The following GALNT13 variants were observed in gnomAD, a reference collection of about 807,000 sequenced individuals.
The protein encoded by GALNT13 is polypeptide N-acetylgalactosaminyltransferase 13, also known as UDP-GalNAc:polypeptide N-acetylgalactosaminyltransferase 13.
In GALNT13, 28 loss-of-function variants were observed where a neutral mutation model predicts 64.2. The ratio of observed to expected loss-of-function variants is 0.44; its 90% confidence interval spans 0.32 to 0.60. The LOEUF is 0.60. GALNT13 is among the 20% of genes least tolerant of loss of function. The pLI, the probability that GALNT13 is intolerant of heterozygous loss-of-function variation, is 0.05. For missense variants in GALNT13, 577 were observed against 669.8 expected, an observed-to-expected ratio of 0.86 and a Z score of 1.53; for synonymous variants, 214 against 224.6, an observed-to-expected ratio of 0.95 and a Z score of 0.42.
the GALNT13 span, among the ~76,000 whole-genome samples, chr2:153,150,942 A>T: frequency 6.6e-6 from 1 of 151,946 alleles, no homozygotes. Flanking sequence ...CTTAGGATTG[A>T]CTTGGCAATG....
chr2:153,782,857 G>T, the GALNT13 span, among the ~76,000 whole-genome samples: 1 of 152,082 alleles, frequency 6.6e-6, no homozygotes, highest in African/African-American at 2.4e-5. Flanking sequence ...AGCAACCCAC[G>T]CAGACTAAAA....
intron 9 of GALNT13, among the ~76,000 whole-genome samples, chr2:154,389,930 T>C (rs528244936): frequency 6.6e-6 from 1 of 152,264 alleles, no homozygotes; most frequent in African/African-American, 2.4e-5. Flanking sequence ...GTCTGGTGTC[T>C]CACTGTCCAG....
chr2:153,680,022 A>T, the GALNT13 span, among the ~76,000 whole-genome samples: 1 of 151,886 alleles, frequency 6.6e-6, no homozygotes, highest in Non-Finnish European at 1.5e-5. Flanking sequence ...TCCCTATATT[A>T]TATTGTTTCA....
At chr2:154,202,373 G>C (rs1288729418) in intron 4 of GALNT13, among the ~76,000 whole-genome samples, 1 of 150,442 alleles carries the variant, frequency 6.6e-6, no homozygotes, top group East Asian at 1.9e-4. Flanking sequence ...GCTGCACTTA[G>C]CGTCCTTGAG....
chr2:153,415,830 A>G, the GALNT13 span, among the ~76,000 whole-genome samples: 1 of 152,174 alleles, frequency 6.6e-6, no homozygotes, highest in East Asian at 1.9e-4. Context: ...TTCTCTGTCT[A>G]TTGTCAATCT....
intron 9 of GALNT13, among the ~76,000 whole-genome samples, chr2:154,340,317 G>A (rs1277128159): frequency 1.3e-5 from 2 of 151,972 alleles, no homozygotes; most frequent in Non-Finnish European, 2.9e-5. Flanking sequence ...TAGGACTCTT[G>A]AGCTCAAATG....
At chr2:154,104,021 T>G (rs1702482199) in intron 3 of GALNT13, among the ~76,000 whole-genome samples, 1 of 152,004 alleles carries the variant, frequency 6.6e-6, no homozygotes, top group African/African-American at 2.4e-5. Context: ...AGTAGAGTAG[T>G]GTGGGAAGTT....
chr2:153,588,770 G>A, the GALNT13 span, among the ~76,000 whole-genome samples: 2 of 152,146 alleles, frequency 1.3e-5, no homozygotes, highest in Admixed American at 6.6e-5. Flanking sequence ...CTATTGCATT[G>A]TCAGGCTGCA....
rs115112301 is a variant in GALNT13 at position 154,055,375 on chromosome 2, A to G, written c.143-84962A>G. On this transcript the variant is annotated intron_variant, in intron 3 of 12. Coordinates refer to ENST00000392825, the MANE Select transcript of GALNT13 (RefSeq NM_052917.4). ...ATTGAAGGAAATGCAATGTCTTCTT[A>G]GGAGAGTGTGTCACCTAGTATTTAT... Among the ~76,000 whole-genome samples, 1,233 of 152,196 alleles carry G rather than the reference A, an allele frequency of 8.1e-3. 14 individuals are homozygous for G. The highest frequency in any genetic ancestry group is 0.028 in the African/African-American group (1,143 of 41,560).
At chr2:153,650,624 A>G in the GALNT13 span, among the ~76,000 whole-genome samples, 5 of 152,078 alleles carry the variant, frequency 3.3e-5, no homozygotes, top group African/African-American at 9.7e-5. Context: ...TTCCATGTTT[A>G]GTGCTTCCTT....
chr2:153,413,920 T>G, the GALNT13 span, among the ~76,000 whole-genome samples: 57 of 152,302 alleles, frequency 3.7e-4, no homozygotes, highest in African/African-American at 1.3e-3. Flanking sequence ...AAGTATAAAC[T>G]TTATTATATA....
At chr2:153,542,531 C>T in the GALNT13 span, among the ~76,000 whole-genome samples, 1 of 151,996 alleles carries the variant, frequency 6.6e-6, no homozygotes, top group African/African-American at 2.4e-5. Context: ...GAGGAAACAT[C>T]AGGGGTAAGG....
intron 4 of GALNT13, among the ~76,000 whole-genome samples, chr2:154,199,684 T>C (rs1210088143): frequency 6.6e-6 from 1 of 152,046 alleles, no homozygotes; most frequent in African/African-American, 2.4e-5. Context: ...AAAAACAGTC[T>C]TATAATTATG....
chr2:153,092,965 T>C, the GALNT13 span, among the ~76,000 whole-genome samples: 1 of 151,618 alleles, frequency 6.6e-6, no homozygotes, highest in Non-Finnish European at 1.5e-5. Flanking sequence ...TTTTTCCCAT[T>C]TAATATATTA....
chr2:153,963,755 G>GTA (rs1158874729), intron 3 of GALNT13, among the ~76,000 whole-genome samples: 2 of 150,232 alleles, frequency 1.3e-5, no homozygotes, highest in African/African-American at 4.9e-5. Context: ...GTGTGTGTGT[G>GTA]TGTGTGTGTG....
At chr2:153,634,894 A>T in the GALNT13 span, among the ~76,000 whole-genome samples, 1 of 146,754 alleles carries the variant, frequency 6.8e-6, no homozygotes. Flanking sequence ...ACTGCTATAG[A>T]TTTTTTTTTT....
chr2:153,431,731 A>G, the GALNT13 span, among the ~76,000 whole-genome samples: 151 of 152,344 alleles, frequency 9.9e-4, no homozygotes, highest in African/African-American at 3.5e-3. Context: ...TGCCTTTTTC[A>G]GATCTTTGTG....
intron 12 of GALNT13, among the ~76,000 whole-genome samples, chr2:154,447,393 C>G (rs1333922727): frequency 6.6e-6 from 1 of 151,816 alleles, no homozygotes; most frequent in Non-Finnish European, 1.5e-5. Flanking sequence ...TCTTTTATCT[C>G]TCACTTTTAC....
the GALNT13 span, among the ~76,000 whole-genome samples, chr2:153,283,260 G>A: frequency 1.3e-5 from 2 of 152,230 alleles, no homozygotes; most frequent in African/African-American, 2.4e-5. Context: ...GCTGTGCCTA[G>A]TCATGGAGCT....
Sources: allele counts gnomAD v4.1 joint callset (sites outside exome capture counted in the v4.1 genomes callset), GRCh38; gene constraint gnomAD v4.1.1; transcripts MANE v1.5; gene names NCBI Gene and HGNC (gene_info 2026-07-23, HGNC 2026-07-21).